THSD7B: variants seen among roughly 807,000 people sequenced by gnomAD.
THSD7B encodes the protein thrombospondin type-1 domain-containing protein 7B.
Under a neutral mutation model 213.6 loss-of-function variants are expected in THSD7B, and 138 were observed. The observed-to-expected ratio is 0.65, with a 90% CI of 0.56 to 0.74. The LOEUF (loss-of-function observed/expected upper bound fraction) is 0.74. Among genes scored for constraint, THSD7B ranks in the 30% least tolerant of loss-of-function variants. The pLI, the probability that THSD7B is intolerant of heterozygous loss-of-function variation, is 0.00. For synonymous variants in THSD7B, 742 were observed against 687.0 expected (o/e 1.08, Z -1.25); for missense variants, 1,931 against 1,991.5 (o/e 0.97, Z 0.58).
In THSD7B at chr2:137,294,381, G is replaced by A. The variant is rs192288273; in HGVS notation, c.2500+18355G>A. Among the ~76,000 whole-genome samples the A allele has an allele frequency of 4.1e-4, 62 of 151,886 alleles. No homozygotes were observed. In the East Asian group the frequency reaches 0.011, roughly 28 times the overall value. ...GTGGATCACCTGAGGTCAAGAGTTC[G>A]AGACCAGCCTGGCCAACATGGTGAA... On this transcript the variant is annotated intron_variant, in intron 12 of 27. Transcript: ENST00000409968.
intron 2 of THSD7B, among the ~76,000 whole-genome samples, chr2:136,975,451 C>A (rs1185522607): frequency 6.6e-6 from 1 of 152,118 alleles, no homozygotes; most frequent in Non-Finnish European, 1.5e-5. Flanking sequence ...GGATGCTTTT[C>A]CCATTGTTCA....
chr2:137,145,599 G>C (rs1352208376), intron 5 of THSD7B, among the ~76,000 whole-genome samples: 1 of 151,958 alleles, frequency 6.6e-6, no homozygotes, highest in Non-Finnish European at 1.5e-5. Context: ...TCCATTGAGA[G>C]CCCCCCATGC....
At chr2:137,236,477 G>A (rs1681766140) in intron 9 of THSD7B, among the ~76,000 whole-genome samples, 2 of 152,146 alleles carry the variant, frequency 1.3e-5, no homozygotes, top group African/African-American at 4.8e-5. Context: ...TCCTGAAGTT[G>A]TGTTCGGTTT....
chr2:137,214,079 A>G (rs573437213), intron 7 of THSD7B, among the ~76,000 whole-genome samples: 1 of 152,090 alleles, frequency 6.6e-6, no homozygotes, highest in Non-Finnish European at 1.5e-5. Context: ...TTCAGGTGGG[A>G]GGAAAAGAAA....
At chr2:137,188,647 T>C (rs1195143491) in intron 7 of THSD7B, among the ~76,000 whole-genome samples, 2 of 152,212 alleles carry the variant, frequency 1.3e-5, no homozygotes, top group Non-Finnish European at 2.9e-5. Context: ...ATTTTATTTG[T>C]AAAGTACATA....
chr2:137,440,546 T>C (rs1687386397), intron 14 of THSD7B, among the ~76,000 whole-genome samples: 1 of 151,892 alleles, frequency 6.6e-6, no homozygotes. Context: ...GACTGTAGAA[T>C]ACTGTGATGG....
At chr2:136,909,133 A>G (rs1472490513) in intron 2 of THSD7B, among the ~76,000 whole-genome samples, 1 of 152,154 alleles carries the variant, frequency 6.6e-6, no homozygotes, top group East Asian at 1.9e-4. Context: ...CAGTGAGCCA[A>G]GATTGCCCCA....
chr2:137,414,569 T>A (rs527671874), intron 14 of THSD7B, among the ~76,000 whole-genome samples: 1 of 151,574 alleles, frequency 6.6e-6, no homozygotes, highest in Non-Finnish European at 1.5e-5. Flanking sequence ...AAATAAAAAA[T>A]TAGCCAGGCA....
Position 137,411,553 on chromosome 2 carries a change from CTT to C in THSD7B, c.2696-53_2696-52del. 3.3e-6 allele frequency: 5 copies of C among 1,502,780 alleles called. No individual in the cohort carries two copies. The South Asian group carries it at 6.5e-5, about 20-fold the overall frequency. The allele number at this position is 1,502,780 out of a possible 1,614,324, so 93.1% of individuals were successfully genotyped here. A position where few individuals can be genotyped will look rare whatever the true frequency, so the allele number is the denominator to read the frequency against. ...ATTACAAATACAAAAGTGTGAGTGACTTTTAACAAAACAGCAGATAAGCATTT... is the reference window on the plus strand; with the variant it reads ...ATTACAAATACAAAAGTGTGAGTGACTTAACAAAACAGCAGATAAGCATTT... On this transcript the variant is annotated intron_variant, in intron 13 of 27. Coordinates refer to ENST00000409968, the MANE Select transcript of THSD7B (RefSeq NM_001316349.2).
chr2:136,949,509 A>G (rs1391747994), intron 2 of THSD7B, among the ~76,000 whole-genome samples: 3 of 152,194 alleles, frequency 2.0e-5, no homozygotes, highest in Non-Finnish European at 4.4e-5. Flanking sequence ...CTGACTGATC[A>G]GACTAGGGTC....
chr2:137,558,544 G>T (rs1291450814), intron 15 of THSD7B, among the ~76,000 whole-genome samples: 1 of 152,084 alleles, frequency 6.6e-6, no homozygotes, highest in Non-Finnish European at 1.5e-5. Context: ...CAATAAACTA[G>T]ATATTGATGG....
chr2:137,116,941 G>A (rs1210523749), intron 5 of THSD7B, among the ~76,000 whole-genome samples: 8 of 152,182 alleles, frequency 5.3e-5, no homozygotes, highest in Admixed American at 5.2e-4. Flanking sequence ...TGTGTTCACA[G>A]GAAAACAGAA....
intron 14 of THSD7B, among the ~76,000 whole-genome samples, chr2:137,439,148 A>T (rs754298244): frequency 6.6e-6 from 1 of 152,112 alleles, no homozygotes; most frequent in Non-Finnish European, 1.5e-5. Context: ...TGAATTAAGC[A>T]TATATTATGA....
intron 12 of THSD7B, among the ~76,000 whole-genome samples, chr2:137,343,037 G>A (rs1684796903): frequency 6.7e-6 from 1 of 149,460 alleles, no homozygotes; most frequent in South Asian, 2.1e-4. Context: ...GGATAATGCT[G>A]CCACATAAAA....
At chr2:137,642,446 G>A in intron 20 of THSD7B, 42 bp from the exon 21 acceptor site, 2 of 1,608,782 alleles carry the variant, frequency 1.2e-6, no homozygotes, top group Non-Finnish European at 1.7e-6. Context: ...CCCTTTCCAA[G>A]CCAAACTAAC....
chr2:136,982,319 C>CT (rs36080141), intron 2 of THSD7B, among the ~76,000 whole-genome samples: 145,299 of 149,874 alleles, frequency 0.97, 70,512 homozygotes, highest in East Asian at 1. Flanking sequence ...GCAAATTGTA[C>CT]TTTTTTTTTT....
chr2:137,091,856 A>G (rs997994324), intron 3 of THSD7B, among the ~76,000 whole-genome samples: 3 of 152,224 alleles, frequency 2.0e-5, no homozygotes, highest in South Asian at 4.1e-4. Context: ...ACAATTTCTG[A>G]AAAGTCAAAA....
intron 2 of THSD7B, among the ~76,000 whole-genome samples, chr2:137,047,792 A>C (rs549796889): frequency 6.6e-6 from 1 of 152,370 alleles, no homozygotes; most frequent in East Asian, 1.9e-4. Context: ...ACAAGCACAC[A>C]GCTAGATAAA....
intron 2 of THSD7B, among the ~76,000 whole-genome samples, chr2:137,053,129 A>G (rs1687098298): frequency 6.6e-6 from 1 of 152,170 alleles, no homozygotes; most frequent in African/African-American, 2.4e-5. Context: ...GTAATTGTTT[A>G]CATACTGCCT....
Sources: allele counts gnomAD v4.1 joint callset (sites outside exome capture counted in the v4.1 genomes callset), GRCh38; gene constraint gnomAD v4.1.1; transcripts MANE v1.5; gene names NCBI Gene and HGNC (gene_info 2026-07-23, HGNC 2026-07-21).